The following GDAP1L1 variants were observed in gnomAD, a reference collection of about 807,000 sequenced individuals.
The protein encoded by GDAP1L1 is ganglioside induced differentiation associated protein 1 like 1, also known as ganglioside-induced differentiation-associated protein 1-like 1.
In GDAP1L1, 21 loss-of-function variants were observed where a neutral mutation model predicts 37.1. The ratio of observed to expected loss-of-function variants is 0.57; its 90% confidence interval spans 0.40 to 0.81. The LOEUF (loss-of-function observed/expected upper bound fraction) is 0.81. Among genes scored for constraint, GDAP1L1 ranks in the 40% least tolerant of loss-of-function variants. The pLI is 0.00. For synonymous variants in GDAP1L1, 193 were observed against 209.1 expected, an observed-to-expected ratio of 0.92 and a Z score of 0.67; for missense variants, 362 against 491.6, an observed-to-expected ratio of 0.74 and a Z score of 2.49.
intron 1 of GDAP1L1, among the ~76,000 whole-genome samples, chr20:44,251,870 C>A (rs987816720): frequency 1.3e-5 from 2 of 152,126 alleles, no homozygotes; most frequent in African/African-American, 2.4e-5. Flanking sequence ...TATTGAAGTA[C>A]GGCGTTATAT....
intron 4 of GDAP1L1, among the ~76,000 whole-genome samples, chr20:44,264,105 A>G (rs2073721150): frequency 6.6e-6 from 1 of 152,034 alleles, no homozygotes; most frequent in Non-Finnish European, 1.5e-5. Flanking sequence ...TTGGCTACAG[A>G]TTGTTGGAGG....
chr20:44,247,498 C>T lies in GDAP1L1; in HGVS notation c.164C>T (p.Ser55Phe). 6.5e-7 allele frequency: 1 copy of T among 1,538,984 alleles called. No homozygotes were observed. The highest frequency in any genetic ancestry group is 8.8e-7 in the Non-Finnish European group (1 of 1,141,362). Residue 55 changes from serine (S) to phenylalanine (F), a missense_variant, in exon 1 of 6, where the codon TCC (serine) becomes TTC (phenylalanine). By Grantham distance (155) the Ser-to-Phe change is radical. This residue lies in a region of GDAP1L1 where 277 missense variants were observed against 337.1 expected (regional missense o/e 0.82). Coordinates refer to ENST00000342560, the MANE Select transcript of GDAP1L1 (RefSeq NM_024034.6). ...ESLVLYHWTQ[S>F]FSSQKVRLVI... ...CTGGTTCTGTACCACTGGACCCAGT[C>T]CTTCAGCTCGCAGAAGGTAGAGCCG...
chr20:44,260,011 C>G (rs910315715), intron 3 of GDAP1L1, among the ~76,000 whole-genome samples: 2 of 152,150 alleles, frequency 1.3e-5, no homozygotes, highest in Non-Finnish European at 1.5e-5. Flanking sequence ...GCCTGGTACT[C>G]TATGTCAAAC....
At chr20:44,260,584 A>C (rs1161439875) in intron 3 of GDAP1L1, among the ~76,000 whole-genome samples, 1 of 152,192 alleles carries the variant, frequency 6.6e-6, no homozygotes, top group African/African-American at 2.4e-5. Flanking sequence ...GCAGGAGATC[A>C]GGGAGGTTCT....
At chr20:44,264,346 T>C in intron 4 of GDAP1L1, 99 bp from the exon 5 acceptor site, 1 of 1,322,470 alleles carries the variant, frequency 7.6e-7, no homozygotes, top group Non-Finnish European at 9.7e-7. Context: ...ATTTGGAGGC[T>C]GGGTTTGCAG....
At position 44,264,757 on chromosome 20, in the gene GDAP1L1, C is replaced by T. The variant is rs1406561667; in HGVS notation, c.760+198C>T. ...TTAGTAAATGTGGTCAGGTTCTCCCCTCTCTGAAATTCAGTTTCCCATCTA... is the reference window on the plus strand; with the variant it reads ...TTAGTAAATGTGGTCAGGTTCTCCCTTCTCTGAAATTCAGTTTCCCATCTA... On this transcript the variant is annotated intron_variant, in intron 5 of 5. Coordinates refer to ENST00000342560, the MANE Select transcript of GDAP1L1 (RefSeq NM_024034.6). 4 of 1,256,634 alleles carry T rather than the reference C, an allele frequency of 3.2e-6. No individual in the cohort carries two copies. The South Asian group carries it at 4.6e-5, about 14-fold the overall frequency. The allele number at this position is 1,256,634 out of a possible 1,614,324, so 77.8% of individuals were successfully genotyped here. A position where few individuals can be genotyped will look rare whatever the true frequency, so the allele number is the denominator to read the frequency against.
In GDAP1L1 at chr20:44,279,548, A is replaced by C; in HGVS notation, c.*248A>C. On this transcript the variant is annotated 3_prime_UTR_variant, in exon 6 of 6. Coordinates refer to ENST00000342560, the MANE Select transcript of GDAP1L1 (RefSeq NM_024034.6). The stretch of plus-strand genomic sequence containing the variant: ...GAGAGAGAGAGAGAAAAAACAAAAA[A>C]CAGAAAACACGAATGCCTTTTCTAT... The C allele has an allele frequency of 3.0e-6, 2 of 656,254 alleles. No homozygotes were observed. The highest frequency in any genetic ancestry group is 5.8e-6 in the Non-Finnish European group (2 of 346,584). 40.7% of individuals were successfully genotyped at this position (656,254 alleles called of 1,614,324 possible).
At chr20:44,265,250 C>T in intron 5 of GDAP1L1, 1 of 985,424 alleles carries the variant, frequency 1.0e-6, no homozygotes, top group Non-Finnish European at 1.2e-6. Flanking sequence ...ATGCCAGCTT[C>T]ATTCTACCTC....
In GDAP1L1 at chr20:44,264,548, T is replaced by C; in HGVS notation, c.749T>C (p.Leu250Pro). The C allele has an allele frequency of 1.1e-5, 18 of 1,610,112 alleles. No individual in the cohort carries two copies. Among genetic ancestry groups the C allele is most frequent in the Non-Finnish European group, 1.5e-5 (18 of 1,177,836 alleles). The change falls in exon 5 of 6, where the codon CTG becomes CCG. Residue 250 changes from leucine (L) to proline (P), a missense_variant. This residue lies in a region of GDAP1L1 where 85 missense variants were observed against 154.4 expected (regional missense o/e 0.55). Coordinates refer to ENST00000342560, the MANE Select transcript of GDAP1L1 (RefSeq NM_024034.6). Reference protein sequence around the residue: ...QIEAELEKRKLENEGQKCELW... With the variant: ...QIEAELEKRKPENEGQKCELW... ...GAGGCGGAGCTGGAGAAGAGGAAGCTGGAGAACGAGGGTGGGTGCCAGCCC... is the reference window on the plus strand; with the variant it reads ...GAGGCGGAGCTGGAGAAGAGGAAGCCGGAGAACGAGGGTGGGTGCCAGCCC...
chr20:44,271,587 T>C (rs189278468), intron 5 of GDAP1L1, among the ~76,000 whole-genome samples: 11 of 152,068 alleles, frequency 7.2e-5, no homozygotes, highest in African/African-American at 2.4e-4. Context: ...ATGAAGGCGG[T>C]GAGTGTAGAT....
intron 3 of GDAP1L1, 63 bp from the exon 4 acceptor site, chr20:44,263,166 AG>A: frequency 8.1e-7 from 1 of 1,232,298 alleles, no homozygotes; most frequent in Non-Finnish European, 1.2e-6. Flanking sequence ...AAGTTGTGTA[AG>A]GCAGGTGATG....
chr20:44,259,475 A>G (rs1404973630), intron 3 of GDAP1L1, among the ~76,000 whole-genome samples: 1 of 150,470 alleles, frequency 6.6e-6, no homozygotes, highest in Non-Finnish European at 1.5e-5. Flanking sequence ...AACCATTGTC[A>G]TTGAACAAGA....
At chr20:44,276,173 A>C (rs1361293568) in intron 5 of GDAP1L1, among the ~76,000 whole-genome samples, 1 of 78,936 alleles carries the variant, frequency 1.3e-5, no homozygotes. Flanking sequence ...AATACCAAAA[A>C]AAAAAAAAAA....
intron 4 of GDAP1L1, 107 bp downstream of exon 4, chr20:44,263,434 A>C: frequency 2.3e-6 from 2 of 857,040 alleles, no homozygotes; most frequent in East Asian, 4.9e-5. Flanking sequence ...GAAATGGAAA[A>C]GCCCCTGGCT....
In GDAP1L1 at chr20:44,279,677, C is replaced by T. The variant is rs1347544239; in HGVS notation, c.*377C>T. 1 of 477,930 alleles carries T rather than the reference C, an allele frequency of 2.1e-6. No individual in the cohort carries two copies. Among genetic ancestry groups the T allele is most frequent in the Non-Finnish European group, 4.3e-6 (1 of 231,742 alleles). The allele number at this position is 477,930 out of a possible 1,614,324, so 29.6% of individuals were successfully genotyped here. On this transcript the variant is annotated 3_prime_UTR_variant, in exon 6 of 6. Transcript: ENST00000342560. ...CCCAGATTCTGGGAGGTGCTGGGGACTCAGAGGGCCTGACCCCTCACCTCC... is the reference window on the plus strand; with the variant it reads ...CCCAGATTCTGGGAGGTGCTGGGGATTCAGAGGGCCTGACCCCTCACCTCC...
intron 5 of GDAP1L1, 93 bp from the exon 6 acceptor site, chr20:44,278,864 C>T (rs2062611922): frequency 5.1e-6 from 4 of 778,886 alleles, no homozygotes; most frequent in Non-Finnish European, 8.7e-6. Context: ...AATACTGGGG[C>T]AGGCATGCAG....
chr20:44,276,869 G>C lies in GDAP1L1; in HGVS notation c.761-2088G>C, dbSNP rs1297879379. Among the ~76,000 whole-genome samples the C allele has an allele frequency of 2.0e-5, 3 of 152,132 alleles. No individual in the cohort carries two copies. In the East Asian group the frequency reaches 5.8e-4, roughly 29 times the overall value. ...CAATGTGGCGCTGTGTTCTATGGAG[G>C]AAAACAAAGCAGGAGAGGGGAGAGT... On this transcript the variant is annotated intron_variant, in intron 5 of 5. Transcript: ENST00000342560.
chr20:44,264,273 ACTGTTGT>A (rs1215052548), intron 4 of GDAP1L1, among the ~76,000 whole-genome samples, 165 bp from the exon 5 acceptor site: 1 of 150,352 alleles, frequency 6.7e-6, no homozygotes, highest in Non-Finnish European at 1.5e-5. Context: ...AGCTCACAGG[ACTGTTGT>A]AGGCACCAGA....
Position 44,258,477 on chromosome 20 carries a change from C to T in GDAP1L1, c.417C>T (p.His139=), listed in dbSNP as rs138641591. The T allele has an allele frequency of 2.8e-3, 4,312 of 1,556,240 alleles. 10 individuals carry two copies. The highest frequency in any genetic ancestry group is 3.4e-3 in the Non-Finnish European group (3,921 of 1,150,254). The change falls in exon 3 of 6, where the codon CAC becomes CAT. Residue 139 remains histidine (H), a synonymous_variant. Coordinates refer to ENST00000342560, the MANE Select transcript of GDAP1L1 (RefSeq NM_024034.6). ...ALMPEVGSLQ[H]ARVLQYRELL... ...TGCCCGAGGTGGGCAGCCTGCAGCACGCACGGGTGCTGCAGTACCGGGAGC... is the reference window on the plus strand; with the variant it reads ...TGCCCGAGGTGGGCAGCCTGCAGCATGCACGGGTGCTGCAGTACCGGGAGC...
Sources: allele counts gnomAD v4.1 joint callset (sites outside exome capture counted in the v4.1 genomes callset), GRCh38; gene constraint gnomAD v4.1.1; regional missense constraint gnomAD v4.1.1; transcripts MANE v1.5; gene names NCBI Gene and HGNC (gene_info 2026-07-23, HGNC 2026-07-21).